The following ANKRD6 variants were observed in gnomAD, a reference collection of about 807,000 sequenced individuals.
The protein encoded by ANKRD6 is ankyrin repeat domain 6.
ANKRD6 carries 56 observed loss-of-function variants against 82.3 expected under a neutral mutation model. The ratio of observed to expected loss-of-function variants is 0.68; its 90% confidence interval spans 0.55 to 0.85. ANKRD6 has a LOEUF of 0.85. ANKRD6 is among the 40% of genes least tolerant of loss of function. ANKRD6 has a pLI of 0.00. For missense variants in ANKRD6, 852 were observed against 907.6 expected, an observed-to-expected ratio of 0.94 and a Z score of 0.79; for synonymous variants, 347 against 352.1, an observed-to-expected ratio of 0.99 and a Z score of 0.16.
chr6:89,540,808 G>A (rs1239244356), intron 1 of ANKRD6, among the ~76,000 whole-genome samples: 1 of 152,110 alleles, frequency 6.6e-6, no homozygotes, highest in African/African-American at 2.4e-5. Flanking sequence ...TTTGAATATG[G>A]CAAGAGATGG....
At chr6:89,462,592 A>G (rs952540052) in intron 1 of ANKRD6, among the ~76,000 whole-genome samples, 3 of 152,164 alleles carry the variant, frequency 2.0e-5, no homozygotes, top group African/African-American at 7.2e-5. Context: ...CTTCTGAAAT[A>G]CCAGTACCAT....
At chr6:89,548,599 C>A (rs1785410664) in intron 1 of ANKRD6, among the ~76,000 whole-genome samples, 1 of 152,276 alleles carries the variant, frequency 6.6e-6, no homozygotes, top group Admixed American at 6.5e-5. Context: ...TGGACTTTTA[C>A]TTGAACTCCT....
At chr6:89,607,036 T>C (rs935955336) in intron 5 of ANKRD6, among the ~76,000 whole-genome samples, 15 of 151,776 alleles carry the variant, frequency 9.9e-5, no homozygotes, top group South Asian at 2.1e-4. Context: ...CTGGATGTGG[T>C]GGTGCATGCC....
chr6:89,540,530 C>T (rs1784333681), intron 1 of ANKRD6, among the ~76,000 whole-genome samples: 1 of 152,122 alleles, frequency 6.6e-6, no homozygotes, highest in African/African-American at 2.4e-5. Context: ...TTATTAATCC[C>T]TTGTCAGGTG....
chr6:89,614,150 G>C (rs1038686651), intron 7 of ANKRD6, among the ~76,000 whole-genome samples: 1 of 152,142 alleles, frequency 6.6e-6, no homozygotes, highest in African/African-American at 2.4e-5. Context: ...TGGAGATCCT[G>C]GGGCAGGCTT....
At chr6:89,451,835 C>T (rs1772863316) in intron 1 of ANKRD6, among the ~76,000 whole-genome samples, 1 of 152,282 alleles carries the variant, frequency 6.6e-6, no homozygotes, top group Admixed American at 6.5e-5. Flanking sequence ...ATTATAACCC[C>T]CTCTGCTACC....
intron 1 of ANKRD6, among the ~76,000 whole-genome samples, chr6:89,452,821 A>C (rs1171584361): frequency 6.6e-6 from 1 of 152,206 alleles, no homozygotes; most frequent in Non-Finnish European, 1.5e-5. Flanking sequence ...AGAGGAGTGT[A>C]AACCTGGCGG....
chr6:89,633,556 A>T lies in ANKRD6; in HGVS notation c.*2552A>T, dbSNP rs1807821281. On this transcript the variant is annotated 3_prime_UTR_variant, in exon 16 of 16. Transcript: ENST00000339746. ...AAACTAAAACACAGAAATACTGTAC[A>T]GTATTAGTGTTTTTTTAAAGAAATT... The T allele has an allele frequency of 6.6e-6, 1 of 152,232 alleles. No individual in the cohort carries two copies. Among genetic ancestry groups the T allele is most frequent in the African/African-American group, 2.4e-5 (1 of 41,466 alleles). 9.4% of individuals were successfully genotyped at this position (152,232 alleles called of 1,614,324 possible). A position where few individuals can be genotyped will look rare whatever the true frequency, so the allele number is the denominator to read the frequency against.
intron 2 of ANKRD6, among the ~76,000 whole-genome samples, chr6:89,590,487 C>A (rs1345752895): frequency 6.6e-6 from 1 of 152,142 alleles, no homozygotes; most frequent in Admixed American, 6.6e-5. Flanking sequence ...ACCAACCTCC[C>A]CAGGAGAGCC....
At chr6:89,441,617 T>C (rs1378921272) in intron 1 of ANKRD6, among the ~76,000 whole-genome samples, 2 of 144,914 alleles carry the variant, frequency 1.4e-5, no homozygotes, top group Non-Finnish European at 3.0e-5. Context: ...TTTCTTTTCT[T>C]TCCTTTTTTT....
In ANKRD6 at chr6:89,603,041, G is replaced by A. The variant is rs767612688; in HGVS notation, c.232G>A (p.Ala78Thr). The A allele has an allele frequency of 7.5e-6, 12 of 1,605,092 alleles. No individual in the cohort carries two copies. The highest frequency in any genetic ancestry group is 1.6e-4 in the Middle Eastern group (1 of 6,078). ...LDVQDDGDQTALHRATVVGNT... is the reference protein window; with the variant it reads ...LDVQDDGDQTTLHRATVVGNT... ...TGTCACTTTGCAGGGGGACCAGACC[G>A]CCTTGCACCGGGCCACAGTGGTGGG... Residue 78 changes from alanine (A) to threonine (T), a missense_variant, in exon 4 of 16, where the codon GCC becomes ACC. Ala to Thr is a moderately conservative substitution (Grantham distance 58). Transcript: ENST00000339746.
chr6:89,559,039 C>T (rs1177627394), intron 1 of ANKRD6, among the ~76,000 whole-genome samples: 1 of 152,166 alleles, frequency 6.6e-6, no homozygotes, highest in Non-Finnish European at 1.5e-5. Context: ...ATTCTGTATG[C>T]TTGTGTTACA....
intron 1 of ANKRD6, among the ~76,000 whole-genome samples, chr6:89,540,885 CT>C (rs1784372838): frequency 6.6e-6 from 1 of 152,184 alleles, no homozygotes; most frequent in South Asian, 2.1e-4. Flanking sequence ...AAAAGACGAT[CT>C]TTCCCCCAGT....
chr6:89,596,120 G>A (rs987325882), intron 3 of ANKRD6, 106 bp downstream of exon 3: 17 of 968,384 alleles, frequency 1.8e-5, no homozygotes, highest in Middle Eastern at 2.2e-4. Context: ...AGATGCTCTC[G>A]CAGCACATTT....
chr6:89,610,648 G>A (rs1799989141), intron 5 of ANKRD6, among the ~76,000 whole-genome samples: 1 of 152,094 alleles, frequency 6.6e-6, no homozygotes, highest in Non-Finnish European at 1.5e-5. Flanking sequence ...TTGCCATGAA[G>A]CCCATAACTT....
intron 1 of ANKRD6, among the ~76,000 whole-genome samples, chr6:89,448,793 G>A (rs1163293910): frequency 6.6e-6 from 1 of 152,138 alleles, no homozygotes; most frequent in African/African-American, 2.4e-5. Flanking sequence ...CACTTTGGGA[G>A]GCCGAGATGG....
At chr6:89,517,993 T>G (rs1179928166) in intron 1 of ANKRD6, among the ~76,000 whole-genome samples, 1 of 152,230 alleles carries the variant, frequency 6.6e-6, no homozygotes, top group South Asian at 2.1e-4. Flanking sequence ...TATTACTCCC[T>G]TACCTTGTAG....
chr6:89,435,099 A>G (rs1374293351), intron 1 of ANKRD6, among the ~76,000 whole-genome samples: 1 of 152,214 alleles, frequency 6.6e-6, no homozygotes. Context: ...TGCTCCATGT[A>G]AAAGCAGACT....
chr6:89,527,092 CA>C (rs1782583880), intron 1 of ANKRD6, among the ~76,000 whole-genome samples: 1 of 152,158 alleles, frequency 6.6e-6, no homozygotes, highest in Admixed American at 6.5e-5. Flanking sequence ...TGAGTTCACA[CA>C]TGAAATTAAC....
Sources: allele counts gnomAD v4.1 joint callset (sites outside exome capture counted in the v4.1 genomes callset), GRCh38; gene constraint gnomAD v4.1.1; transcripts MANE v1.5; gene names NCBI Gene and HGNC (gene_info 2026-07-23, HGNC 2026-07-21).